Variants in FUBP3 observed in about 807,000 individuals in gnomAD.
FUBP3 encodes the protein far upstream element-binding protein 3.
FUBP3 carries 28 observed loss-of-function variants against 85.6 expected under a neutral mutation model. That is an observed-to-expected ratio of 0.33 (90% CI 0.24 to 0.45). FUBP3 has a LOEUF of 0.45. Among genes scored for constraint, FUBP3 ranks in the 20% least tolerant of loss-of-function variants. The probability of loss-of-function intolerance (pLI) is 1.00; values close to 1 mark genes in which losing one functional copy is unlikely to be tolerated. For missense variants in FUBP3, 583 were observed against 755.1 expected (o/e 0.77, Z 2.67); for synonymous variants, 271 against 271.4 (o/e 1.00, Z 0.01).
chr9:130,600,807 T>C (rs1831118755), intron 2 of FUBP3, among the ~76,000 whole-genome samples: 1 of 151,130 alleles, frequency 6.6e-6, no homozygotes, highest in Non-Finnish European at 1.5e-5. Context: ...ACCCCATCTC[T>C]ACAAAAAAAT....
Position 130,635,983 on chromosome 9 carries a change from C to G in FUBP3, c.1583-16C>G, listed in dbSNP as rs768879230. 1.2e-6 allele frequency: 2 copies of G among 1,612,824 alleles called. No homozygotes were observed. The highest frequency in any genetic ancestry group is 1.7e-6 in the Non-Finnish European group (2 of 1,179,514). The stretch of plus-strand genomic sequence containing the variant: ...CTCCGCTCCCGATAACCTGTGTTTC[C>G]TCCTTTGTCAACCAGGTCACGCCGC... On this transcript the variant is annotated splice_polypyrimidine_tract_variant and intron_variant, in intron 17 of 18. Coordinates refer to ENST00000319725, the MANE Select transcript of FUBP3 (RefSeq NM_003934.2). This position sits in a 1 kb window ranked among gnomAD's most constrained non-coding sequence, Gnocchi z 4.3.
At chr9:130,604,194 A>C (rs1831306013) in intron 2 of FUBP3, among the ~76,000 whole-genome samples, 1 of 152,206 alleles carries the variant, frequency 6.6e-6, no homozygotes. Context: ...AGAACAGATT[A>C]GTGGTTGCCA....
Position 130,606,558 on chromosome 9 carries a change from C to A in FUBP3, c.191-3396C>A, listed in dbSNP as rs149569934. ...TGATGTGGCCGGGCGCGGTGGCTCACGCCTGTAATCCCAGCACTTTGGGAG... is the reference window on the plus strand; with the variant it reads ...TGATGTGGCCGGGCGCGGTGGCTCAAGCCTGTAATCCCAGCACTTTGGGAG... On this transcript the variant is annotated intron_variant, in intron 2 of 18. Coordinates refer to ENST00000319725, the MANE Select transcript of FUBP3 (RefSeq NM_003934.2). Among the ~76,000 whole-genome samples, 10 of 152,182 alleles carry A rather than the reference C, an allele frequency of 6.6e-5. No individual in the cohort carries two copies. In the East Asian group the frequency reaches 1.9e-3, roughly 29 times the overall value.
chr9:130,620,157 T>C (rs907143083), intron 8 of FUBP3, among the ~76,000 whole-genome samples, 197 bp from the exon 9 acceptor site: 2 of 152,194 alleles, frequency 1.3e-5, no homozygotes, highest in Non-Finnish European at 2.9e-5. Context: ...TGTGGACATT[T>C]GGGCAGTGGA....
intron 11 of FUBP3, among the ~76,000 whole-genome samples, chr9:130,624,611 G>C (rs922339820): frequency 1.6e-4 from 6 of 38,056 alleles, no homozygotes; most frequent in African/African-American, 7.8e-4. Flanking sequence ...ACAAGATTTT[G>C]TGTGTGTGTG....
rs376294778 is a variant in FUBP3 at position 130,636,284 on chromosome 9, C to A, written c.1710+158C>A. 82 of 759,740 alleles carry A rather than the reference C, an allele frequency of 1.1e-4. 2 individuals are homozygous for A. In the East Asian group the frequency reaches 1.1e-3, roughly 10 times the overall value. 47.1% of individuals were successfully genotyped at this position (759,740 alleles called of 1,614,324 possible). A position where few individuals can be genotyped will look rare whatever the true frequency, so the allele number is the denominator to read the frequency against. ...GAGGCTGCTTCTGCTGAGAGCCCGGCTCCAGCCCCTCTGTCCCTCCTCGCT... is the reference window on the plus strand; with the variant it reads ...GAGGCTGCTTCTGCTGAGAGCCCGGATCCAGCCCCTCTGTCCCTCCTCGCT... On this transcript the variant is annotated intron_variant, in intron 18 of 18. Coordinates refer to ENST00000319725, the MANE Select transcript of FUBP3 (RefSeq NM_003934.2).
chr9:130,602,651 G>GA (rs1444986306), intron 2 of FUBP3, among the ~76,000 whole-genome samples: 2 of 152,166 alleles, frequency 1.3e-5, no homozygotes, highest in African/African-American at 2.4e-5. Context: ...TTGGAGGGAT[G>GA]AAAAGCCAAG....
rs754085167 is a variant in FUBP3, at chr9:130,632,185, C to G, written c.1434-17C>G. The stretch of plus-strand genomic sequence containing the variant: ...CTTGCCCCCTATAGGAACGAGTGAC[C>G]CTCTTGTTATCCACAGTGGTCCTCC... On this transcript the variant is annotated splice_polypyrimidine_tract_variant and intron_variant, in intron 15 of 18. Coordinates refer to ENST00000319725, the MANE Select transcript of FUBP3 (RefSeq NM_003934.2). The G allele has an allele frequency of 1.9e-6, 3 of 1,608,898 alleles. No homozygotes were observed. Among genetic ancestry groups the G allele is most frequent in the Non-Finnish European group, 2.6e-6 (3 of 1,175,294 alleles).
chr9:130,596,989 CA>C (rs2119030543), intron 2 of FUBP3, among the ~76,000 whole-genome samples: 1 of 152,240 alleles, frequency 6.6e-6, no homozygotes, highest in South Asian at 2.1e-4. Flanking sequence ...GTTGTGCTAT[CA>C]AATAGTAGGT....
chr9:130,602,509 C>G (rs1831206006), intron 2 of FUBP3, among the ~76,000 whole-genome samples: 1 of 152,042 alleles, frequency 6.6e-6, no homozygotes, highest in Admixed American at 6.5e-5. Context: ...TGGTGAGAGC[C>G]ATGATGCCCG....
chr9:130,602,917 C>T (rs948459150), intron 2 of FUBP3, among the ~76,000 whole-genome samples: 1 of 152,106 alleles, frequency 6.6e-6, no homozygotes, highest in African/African-American at 2.4e-5. Context: ...CTTCCTGCCA[C>T]GCCCCTTCTC....
chr9:130,584,817 C>T (rs1830275329), intron 1 of FUBP3, among the ~76,000 whole-genome samples: 2 of 151,690 alleles, frequency 1.3e-5, no homozygotes, highest in South Asian at 2.1e-4. Flanking sequence ...TGCAGTGAGC[C>T]GGGATGGTGC....
chr9:130,628,778 T>C (rs372418457), intron 12 of FUBP3, among the ~76,000 whole-genome samples: 1 of 152,306 alleles, frequency 6.6e-6, no homozygotes, highest in East Asian at 1.9e-4. Flanking sequence ...TATTTTTTTT[T>C]ATTTTTTTGA....
At position 130,634,605 on chromosome 9, in the gene FUBP3, G is replaced by A. The variant is rs367697431; in HGVS notation, c.1511-62G>A. On this transcript the variant is annotated intron_variant, in intron 16 of 18. Coordinates refer to ENST00000319725, the MANE Select transcript of FUBP3 (RefSeq NM_003934.2). ...GTGCAGGGCAGGGCCTGCAGCTGGCGGGCTGGGGCCGAGGCTGTGAGGAGC... is the reference window on the plus strand; with the variant it reads ...GTGCAGGGCAGGGCCTGCAGCTGGCAGGCTGGGGCCGAGGCTGTGAGGAGC... The A allele has an allele frequency of 2.0e-5, 27 of 1,377,424 alleles. 1 individual carries two copies. Among genetic ancestry groups the A allele is most frequent in the African/African-American group, 9.9e-5 (7 of 70,472 alleles). The allele number at this position is 1,377,424 out of a possible 1,614,324, so 85.3% of individuals were successfully genotyped here. A position where few individuals can be genotyped will look rare whatever the true frequency, so the allele number is the denominator to read the frequency against.
chr9:130,607,949 G>A (rs1031030314), intron 2 of FUBP3, among the ~76,000 whole-genome samples: 6 of 152,200 alleles, frequency 3.9e-5, no homozygotes, highest in South Asian at 2.1e-4. Flanking sequence ...TGCCTCCACC[G>A]TGGCTGGCAG....
chr9:130,622,115 G>A (rs1829776630), intron 9 of FUBP3, among the ~76,000 whole-genome samples: 2 of 151,882 alleles, frequency 1.3e-5, no homozygotes, highest in Non-Finnish European at 2.9e-5. Flanking sequence ...TTGAGGTCAG[G>A]AATTCAAGAC....
At chr9:130,589,583 A>T (rs984101481) in intron 1 of FUBP3, among the ~76,000 whole-genome samples, 1 of 149,218 alleles carries the variant, frequency 6.7e-6, no homozygotes, top group African/African-American at 2.5e-5. Flanking sequence ...AGCTCAAGTG[A>T]TCCACCAGCC....
intron 1 of FUBP3, 83 bp downstream of exon 1, chr9:130,579,847 G>T: frequency 1.2e-6 from 1 of 843,580 alleles, no homozygotes; most frequent in Non-Finnish European, 1.6e-6. Flanking sequence ...GGCCTGGGGG[G>T]CGGGAGGCAG....
intron 6 of FUBP3, among the ~76,000 whole-genome samples, 194 bp downstream of exon 6, chr9:130,614,539 T>C (rs1457322634): frequency 2.6e-5 from 4 of 152,166 alleles, no homozygotes; most frequent in South Asian, 2.1e-4. Flanking sequence ...ACACGAGATA[T>C]CACATTTGTT....
Sources: gnomAD v4.1 joint callset for allele counts (sites outside exome capture counted in the v4.1 genomes callset) on GRCh38, gnomAD v4.1.1 for gene constraint, Gnocchi (gnomAD v3.1) non-coding constraint, MANE v1.5 for transcripts, NCBI Gene and HGNC (gene_info 2026-07-23, HGNC 2026-07-21) for gene names.